The following ZNF273 variants were observed in gnomAD, a reference collection of about 807,000 sequenced individuals.
ZNF273 encodes the protein zinc finger protein 9.
A neutral mutation model predicts 14.9 loss-of-function variants in ZNF273; 11 were observed. That is an observed-to-expected ratio of 0.74 (90% CI 0.46 to 1.22). The LOEUF (loss-of-function observed/expected upper bound fraction) is 1.22. ZNF273 is among the 50% of genes most tolerant of loss of function. ZNF273 has a pLI of 0.00. For missense variants in ZNF273, 577 were observed against 660.6 expected (o/e 0.87, Z 1.39); for synonymous variants, 199 against 223.9 (o/e 0.89, Z 0.99).
intron 1 of ZNF273, among the ~76,000 whole-genome samples, chr7:64,914,746 C>G (rs758120891): frequency 6.6e-6 from 1 of 152,112 alleles, no homozygotes; most frequent in East Asian, 1.9e-4. Context: ...CAGAAACGGG[C>G]GGGCTTTATC....
At chr7:64,924,863 C>T (rs1157560397) in intron 3 of ZNF273, among the ~76,000 whole-genome samples, 44 of 151,298 alleles carry the variant, frequency 2.9e-4, no homozygotes. Context: ...AGTGCAGTGG[C>T]ACCATCTCAG....
intron 1 of ZNF273, among the ~76,000 whole-genome samples, chr7:64,912,832 T>TGTTGTTGTG (rs1554386326): frequency 9.8e-5 from 6 of 61,198 alleles, no homozygotes; most frequent in African/African-American, 1.2e-4. Context: ...TTTAGTTTTT[T>TGTTGTTGTG]TTTTTTTTTT....
intron 1 of ZNF273, among the ~76,000 whole-genome samples, chr7:64,885,014 C>T (rs1412469439): frequency 6.6e-6 from 1 of 152,244 alleles, no homozygotes; most frequent in Non-Finnish European, 1.5e-5. Flanking sequence ...TTCGCATGCG[C>T]CAGTCGCGGG....
At chr7:64,908,088 T>G (rs1209637641) in intron 1 of ZNF273, among the ~76,000 whole-genome samples, 1 of 152,230 alleles carries the variant, frequency 6.6e-6, no homozygotes, top group Non-Finnish European at 1.5e-5. Flanking sequence ...CCCCAGACAC[T>G]GAATCTGCAG....
Position 64,928,300 on chromosome 7 carries a change from C to A in ZNF273, c.972C>A (p.Gly324=). ...GTKPYNCEEC[G]KGFSIFSTLT... is the part of the protein sequence containing the mutation. ...AACCCTACAATTGTGAAGAATGTGG[C>A]AAAGGCTTTAGTATATTCTCAACCC... Residue 324 remains glycine, a synonymous_variant, in exon 4 of 4, where the codon GGC becomes GGA. Coordinates refer to ENST00000476120, the MANE Select transcript of ZNF273 (RefSeq NM_021148.3). The A allele has an allele frequency of 6.2e-7, 1 of 1,612,766 alleles. No individual in the cohort carries two copies. The highest frequency in any genetic ancestry group is 8.5e-7 in the Non-Finnish European group (1 of 1,179,516).
chr7:64,885,028 C>T (rs1377861309), intron 1 of ZNF273, among the ~76,000 whole-genome samples: 1 of 152,222 alleles, frequency 6.6e-6, no homozygotes, highest in East Asian at 1.9e-4. Flanking sequence ...TCGCGGGACA[C>T]CTGTCGCGAG....
At chr7:64,912,151 G>A (rs951251966) in intron 1 of ZNF273, among the ~76,000 whole-genome samples, 6 of 152,122 alleles carry the variant, frequency 3.9e-5, no homozygotes, top group African/African-American at 1.2e-4. Context: ...TAGAGTCGAC[G>A]TGGTTTCACC....
chr7:64,917,564 G>T lies in ZNF273; in HGVS notation c.103-17G>T, dbSNP rs1451727979. ...AGCAAGTTGGTAAATATGTTTTTGT[G>T]TGTGTGTGTTTTTCAGGGACCACTG... On this transcript the variant is annotated splice_polypyrimidine_tract_variant and intron_variant, in intron 1 of 3. Coordinates refer to ENST00000476120, the MANE Select transcript of ZNF273 (RefSeq NM_021148.3). 1 of 1,587,396 alleles carries T rather than the reference G, an allele frequency of 6.3e-7. No homozygotes were observed. The highest frequency in any genetic ancestry group is 1.3e-5 in the African/African-American group (1 of 74,144).
intron 1 of ZNF273, among the ~76,000 whole-genome samples, chr7:64,886,425 G>A (rs546877498): frequency 7.2e-5 from 11 of 152,170 alleles, no homozygotes; most frequent in African/African-American, 2.7e-4. Flanking sequence ...GTCACAAAAG[G>A]CACAGAAGAG....
At chr7:64,900,849 A>G (rs1298513267), upstream of ZNF273, among the ~76,000 whole-genome samples, 1 of 151,958 alleles carries the variant, frequency 6.6e-6, no homozygotes, top group Non-Finnish European at 1.5e-5. Flanking sequence ...CCAGCAACCC[A>G]CTTCTCCAAG....
downstream of ZNF273, among the ~76,000 whole-genome samples, chr7:64,932,927 T>C (rs1795023161): frequency 6.6e-6 from 1 of 152,086 alleles, no homozygotes; most frequent in African/African-American, 2.4e-5. Flanking sequence ...TTCTGTTGAC[T>C]TGAAATTTGG....
intron 3 of ZNF273, among the ~76,000 whole-genome samples, chr7:64,922,011 A>G (rs557508404): frequency 4.0e-5 from 6 of 151,396 alleles, no homozygotes; most frequent in South Asian, 2.1e-4. Context: ...GAACATAGAT[A>G]TTTTCCAATA....
chr7:64,915,075 AT>A (rs1793870018), intron 1 of ZNF273, among the ~76,000 whole-genome samples: 1 of 152,196 alleles, frequency 6.6e-6, no homozygotes, highest in African/African-American at 2.4e-5. Flanking sequence ...ACTTTAAAAA[AT>A]TCTCATGATA....
chr7:64,890,812 T>C (rs573517608), downstream of ZNF273, among the ~76,000 whole-genome samples: 9 of 152,272 alleles, frequency 5.9e-5, no homozygotes, highest in African/African-American at 2.2e-4. Flanking sequence ...CAAAGGCTGG[T>C]GCAAGGCTAC....
the ZNF273 span, among the ~76,000 whole-genome samples, chr7:64,936,979 G>A: frequency 6.6e-6 from 1 of 152,158 alleles, no homozygotes; most frequent in Non-Finnish European, 1.5e-5. Flanking sequence ...AGACTATGAA[G>A]TCATGTTCTA....
downstream of ZNF273, among the ~76,000 whole-genome samples, chr7:64,883,213 C>T (rs1791351969): frequency 8.6e-6 from 1 of 116,574 alleles, no homozygotes; most frequent in Non-Finnish European, 1.8e-5. Context: ...CCCAAATCAC[C>T]ACCCCCCCCT....
downstream of ZNF273, among the ~76,000 whole-genome samples, chr7:64,880,551 G>A (rs937369439): frequency 7.9e-5 from 12 of 152,056 alleles, no homozygotes; most frequent in Non-Finnish European, 1.8e-4. Flanking sequence ...CAACTGAAAG[G>A]AATATGGCTG....
chr7:64,882,249 C>CGGGA (rs1791282209), downstream of ZNF273, among the ~76,000 whole-genome samples: 1 of 152,212 alleles, frequency 6.6e-6, no homozygotes, highest in African/African-American at 2.4e-5. Flanking sequence ...CAGCCTTTTT[C>CGGGA]GGGAAGGGAG....
chr7:64,925,833 A>C (rs190443360), intron 3 of ZNF273, among the ~76,000 whole-genome samples: 1 of 151,962 alleles, frequency 6.6e-6, no homozygotes, highest in East Asian at 1.9e-4. Flanking sequence ...ACAGTTGTTT[A>C]TAACAATTTC....
Sources: allele counts gnomAD v4.1 joint callset (sites outside exome capture counted in the v4.1 genomes callset), GRCh38; gene constraint gnomAD v4.1.1; transcripts MANE v1.5; gene names NCBI Gene and HGNC (gene_info 2026-07-23, HGNC 2026-07-21).